The following FAS variants were observed in gnomAD, a reference collection of about 807,000 sequenced individuals.
FAS encodes the protein Fas cell surface death receptor.
In FAS, 5 loss-of-function variants were observed where a neutral mutation model predicts 33.2. The observed-to-expected ratio is 0.15, with a 90% CI of 0.08 to 0.32. The LOEUF (loss-of-function observed/expected upper bound fraction) is 0.32. Among genes scored for constraint, FAS ranks in the 10% least tolerant of loss-of-function variants. The pLI is 1.00. For missense variants in FAS, 339 were observed against 386.0 expected (o/e 0.88, Z 1.02); for synonymous variants, 131 against 130.7 (o/e 1.00, Z -0.01).
chr10:88,990,626 G>A (rs1589438811), upstream of FAS: 4 of 690,330 alleles, frequency 5.8e-6, no homozygotes, highest in East Asian at 1.1e-4. The surrounding 1 kb of genome is among the most constrained non-coding windows in gnomAD (Gnocchi z 4.9). Flanking sequence ...CTGACCACCG[G>A]GGCTTTTCGT....
chr10:88,988,640 C>CT (rs940738416), upstream of FAS, among the ~76,000 whole-genome samples: 2 of 151,924 alleles, frequency 1.3e-5, no homozygotes, highest in African/African-American at 4.8e-5. Flanking sequence ...TTTCTTTGCC[C>CT]TTGAAGGCCT....
chr10:89,002,953 T>C, intron 1 of FAS, 76 bp from the exon 2 acceptor site: 9 of 1,549,150 alleles, frequency 5.8e-6, no homozygotes, highest in Non-Finnish European at 8.0e-6. Context: ...CTGCCAATTT[T>C]GGGTGGGTTA....
chr10:88,974,935 G>A (rs1846529228), intron 2 of FAS: 1 of 152,130 alleles, frequency 6.6e-6, no homozygotes, highest in Non-Finnish European at 1.5e-5. Context: ...TTGCTGGCTT[G>A]TGACTCTGGG....
chr10:88,991,381 G>A (rs370182124), intron 1 of FAS: 1 of 299,190 alleles, frequency 3.3e-6, no homozygotes, highest in Non-Finnish European at 6.5e-6. Context: ...CCCCGCGGGG[G>A]CGGGGAGAGA....
At chr10:88,998,857 T>A (rs1847754045) in intron 1 of FAS, among the ~76,000 whole-genome samples, 1 of 152,098 alleles carries the variant, frequency 6.6e-6, no homozygotes, top group Non-Finnish European at 1.5e-5. Context: ...AACACTCCCC[T>A]TTACAAAAAA....
At chr10:89,009,695 T>C (rs1848427427) in intron 4 of FAS, among the ~76,000 whole-genome samples, 1 of 152,140 alleles carries the variant, frequency 6.6e-6, no homozygotes, top group African/African-American at 2.4e-5. Flanking sequence ...ATGCCTTATG[T>C]TTTATTTGCT....
upstream of FAS, among the ~76,000 whole-genome samples, chr10:88,985,588 T>G (rs1846856291): frequency 6.6e-6 from 1 of 152,180 alleles, no homozygotes; most frequent in Non-Finnish European, 1.5e-5. Flanking sequence ...ATTATCTCCC[T>G]CAAGCTGTCC....
upstream of FAS, among the ~76,000 whole-genome samples, chr10:88,989,069 A>G (rs1260067809): frequency 1.4e-4 from 22 of 152,202 alleles, no homozygotes; most frequent in Admixed American, 1.4e-3. Context: ...GCTATTTATT[A>G]ACTAACCATC....
At chr10:88,971,099 G>A (rs1564657082) in intron 1 of FAS, among the ~76,000 whole-genome samples, 3 of 152,216 alleles carry the variant, frequency 2.0e-5, no homozygotes, top group Non-Finnish European at 4.4e-5. Flanking sequence ...AATGGCGTCT[G>A]ATTTTCAAGC....
At chr10:88,994,652 A>G (rs750557751) in intron 1 of FAS, among the ~76,000 whole-genome samples, 2 of 152,086 alleles carry the variant, frequency 1.3e-5, no homozygotes, top group Non-Finnish European at 2.9e-5. Context: ...ACACATATAC[A>G]TAATTGCATG....
At chr10:88,982,611 T>G (rs1846738637), upstream of FAS, among the ~76,000 whole-genome samples, 1 of 152,210 alleles carries the variant, frequency 6.6e-6, no homozygotes, top group Non-Finnish European at 1.5e-5. Context: ...TAGCCAGTTT[T>G]CTTGCTGTTC....
At chr10:88,998,345 A>AG (rs1259846529) in intron 1 of FAS, among the ~76,000 whole-genome samples, 3 of 90,068 alleles carry the variant, frequency 3.3e-5, no homozygotes, top group Non-Finnish European at 6.6e-5. Context: ...GTTAAAAAAA[A>AG]GCAAAAAAAA....
At chr10:88,996,773 A>G (rs1300055677) in intron 1 of FAS, among the ~76,000 whole-genome samples, 1 of 152,206 alleles carries the variant, frequency 6.6e-6, no homozygotes, top group Non-Finnish European at 1.5e-5. Context: ...TATTTGTCGA[A>G]TAAAAATAAT....
intron 1 of FAS, among the ~76,000 whole-genome samples, chr10:88,965,514 C>T (rs1040559511): frequency 6.6e-6 from 1 of 152,188 alleles, no homozygotes; most frequent in Non-Finnish European, 1.5e-5. Flanking sequence ...GCCCTATTTT[C>T]CTTAAGCAGC....
chr10:89,002,965 A>C, intron 1 of FAS, 64 bp from the exon 2 acceptor site: 1 of 1,596,904 alleles, frequency 6.3e-7, no homozygotes, highest in Non-Finnish European at 8.6e-7. Flanking sequence ...GGTGGGTTAC[A>C]CTTGTTTACC....
chr10:89,010,814 G>C lies in FAS; in HGVS notation c.567G>C (p.Trp189Cys). Residue 189 changes from tryptophan to cysteine, a missense_variant and splice_region_variant, in exon 6 of 9, where the codon TGG becomes TGC. Physicochemically the swap from Trp to Cys is radical, Grantham distance 215. Transcript: ENST00000652046. ...LLLLPIPLIV[W>C]VKRKEVQKTC... Reference sequence around the variant, plus strand: ...TTTTGCCAATTCCACTAATTGTTTGGGGTAAGTTCTTGCTTTGTTCAAACT... The same window carrying C: ...TTTTGCCAATTCCACTAATTGTTTGCGGTAAGTTCTTGCTTTGTTCAAACT... 4 of 1,613,916 alleles carry C rather than the reference G, an allele frequency of 2.5e-6. No homozygotes were observed. Among genetic ancestry groups the C allele is most frequent in the Non-Finnish European group, 3.4e-6 (4 of 1,179,954 alleles).
chr10:88,988,512 A>G (rs116310164), upstream of FAS, among the ~76,000 whole-genome samples: 1 of 151,488 alleles, frequency 6.6e-6, no homozygotes, highest in African/African-American at 2.4e-5. Context: ...ATGTTCAGAA[A>G]CCAGGATATC....
chr10:88,996,578 A>G (rs1377517546), intron 1 of FAS, among the ~76,000 whole-genome samples: 3 of 152,272 alleles, frequency 2.0e-5, no homozygotes, highest in Admixed American at 2.0e-4. Context: ...GAAAATTACT[A>G]AGAGTAGATT....
chr10:88,964,647 A>AT (rs1350319835), intron 1 of FAS, among the ~76,000 whole-genome samples: 10 of 152,148 alleles, frequency 6.6e-5, no homozygotes, highest in African/African-American at 1.4e-4. Flanking sequence ...GGGCAGAGAG[A>AT]TTTTTTGTAT....
Sources: allele counts gnomAD v4.1 joint callset (sites outside exome capture counted in the v4.1 genomes callset), GRCh38; gene constraint gnomAD v4.1.1; non-coding constraint Gnocchi (gnomAD v3.1); transcripts MANE v1.5; gene names NCBI Gene and HGNC (gene_info 2026-07-23, HGNC 2026-07-21).